The following RBM5 variants were observed in gnomAD, a reference collection of about 807,000 sequenced individuals.
RBM5 encodes RNA-binding protein 5.
RBM5 carries 15 observed loss-of-function variants against 124.6 expected under a neutral mutation model. The observed-to-expected ratio is 0.12, with a 90% CI of 0.08 to 0.19. The LOEUF is 0.19. RBM5 is among the 10% of genes least tolerant of loss of function. The pLI is 1.00. For synonymous variants in RBM5, 337 were observed against 361.2 expected (o/e 0.93, Z 0.76); for missense variants, 580 against 1,026.5 (o/e 0.57, Z 5.94).
chr3:50,098,503 C>T (rs376001909), intron 4 of RBM5, among the ~76,000 whole-genome samples: 6 of 151,906 alleles, frequency 3.9e-5, no homozygotes, highest in East Asian at 2.0e-4. Context: ...AGTGCAGTGG[C>T]GCGATCTCGG....
chr3:50,108,792 G>T (rs73080947), intron 14 of RBM5, among the ~76,000 whole-genome samples: 2 of 152,136 alleles, frequency 1.3e-5, no homozygotes, highest in African/African-American at 4.8e-5. Context: ...GGTTATTTGT[G>T]TACACCAGGA....
chr3:50,092,943 C>CTTTTTTTTTT (rs530934301), intron 3 of RBM5: 2 of 77,774 alleles, frequency 2.6e-5, no homozygotes, highest in African/African-American at 1.5e-4. Context: ...CTTGATATAT[C>CTTTTTTTTTT]TTTTTTTTTT....
chr3:50,107,979 C>G, intron 12 of RBM5, 91 bp from the exon 13 acceptor site: 1 of 1,121,692 alleles, frequency 8.9e-7, no homozygotes, highest in Non-Finnish European at 1.3e-6. Context: ...AGCCACAGCG[C>G]CCAGCATCAT....
intron 4 of RBM5, among the ~76,000 whole-genome samples, chr3:50,096,616 G>C (rs2090820732): frequency 6.6e-6 from 1 of 151,940 alleles, no homozygotes; most frequent in African/African-American, 2.4e-5. Context: ...GTGAGACAGG[G>C]CCTTACTCTG....
chr3:50,106,225 A>G (rs1167044212), intron 10 of RBM5, among the ~76,000 whole-genome samples: 1 of 115,638 alleles, frequency 8.6e-6, no homozygotes, highest in Non-Finnish European at 1.7e-5. Context: ...TGCAAGCTCC[A>G]TCTCCCCAGG....
At chr3:50,101,645 C>CTT (rs1319293156) in intron 6 of RBM5, 1 of 152,216 alleles carries the variant, frequency 6.6e-6, no homozygotes, top group African/African-American at 2.4e-5. Context: ...TGTGAGTCTG[C>CTT]TTTCTTGACA....
At chr3:50,114,427 G>A (rs551755707) in intron 20 of RBM5, 176 bp downstream of exon 20, 1 of 587,874 alleles carries the variant, frequency 1.7e-6, no homozygotes, top group African/African-American at 1.9e-5. Context: ...TTTTCTGTGA[G>A]AGCAGATGAG....
chr3:50,106,118 A>ATTTTTTTTTTTTTTTTT (rs61297967), intron 10 of RBM5, among the ~76,000 whole-genome samples: 1 of 32,756 alleles, frequency 3.1e-5, no homozygotes, highest in African/African-American at 9.5e-5. Flanking sequence ...ACGCCCAGCT[A>ATTTTTTTTTTTTTTTTT]TTTTTTTTTT....
intron 14 of RBM5, among the ~76,000 whole-genome samples, chr3:50,108,763 AG>A (rs2091087519): frequency 6.6e-6 from 1 of 152,188 alleles, no homozygotes; most frequent in African/African-American, 2.4e-5. Flanking sequence ...CATGTACCCA[AG>A]GTTCTGGGGA....
In RBM5 at chr3:50,118,611, A is replaced by G. The variant is rs1208381609; in HGVS notation, c.*155A>G. On this transcript the variant is annotated 3_prime_UTR_variant, in exon 25 of 25. Transcript: ENST00000347869. ...TGCAGGGTTCTCCCTCCCACCTTAA[A>G]GAAGTTCCCCTTATGTGGGTTGCCT... 2 of 1,228,372 alleles carry G rather than the reference A, an allele frequency of 1.6e-6. No homozygotes were observed. Among genetic ancestry groups the G allele is most frequent in the Non-Finnish European group, 1.1e-6 (1 of 898,834 alleles). The allele number at this position is 1,228,372 out of a possible 1,614,324, so 76.1% of individuals were successfully genotyped here.
At chr3:50,110,931 G>A in intron 17 of RBM5, 161 bp downstream of exon 17, 2 of 601,500 alleles carry the variant, frequency 3.3e-6, no homozygotes, top group Non-Finnish European at 5.7e-6. Flanking sequence ...GAGATTGTAA[G>A]TTTTAATTGT....
intron 8 of RBM5, chr3:50,104,797 A>G (rs1168758499): frequency 2.7e-6 from 1 of 374,800 alleles, no homozygotes; most frequent in Non-Finnish European, 4.8e-6. Context: ...GAGCACAGAA[A>G]GTTCTTTTGT....
At chr3:50,099,614 C>T (rs777793919) in intron 4 of RBM5, 3 of 155,986 alleles carry the variant, frequency 1.9e-5, no homozygotes, top group African/African-American at 4.8e-5. Flanking sequence ...AGAAGAATCG[C>T]TTGAATCCAG....
Position 50,118,426 on chromosome 3 carries a change from C to T in RBM5, c.2418C>T (p.Ala806=). The part of the protein sequence containing the change: ...ADSYKDAVRK[A]MFARFTEME ...CCTACAAAGATGCTGTCCGGAAAGC[C>T]ATGTTTGCCCGGTTCACTGAGATGG... is the stretch of plus-strand genomic sequence containing the variant. The change falls in exon 25 of 25, where the codon GCC becomes GCT. Residue 806 remains alanine, a synonymous_variant. Coordinates refer to ENST00000347869, the MANE Select transcript of RBM5 (RefSeq NM_005778.4). 3 of 1,613,920 alleles carry T rather than the reference C, an allele frequency of 1.9e-6. No individual in the cohort carries two copies. Among genetic ancestry groups the T allele is most frequent in the Non-Finnish European group, 1.7e-6 (2 of 1,179,998 alleles).
chr3:50,111,948 A>T (rs1457822260), intron 17 of RBM5: 2 of 151,992 alleles, frequency 1.3e-5, no homozygotes, highest in African/African-American at 4.8e-5. Context: ...GGTTTCTGAG[A>T]GATTGAAGTG....
chr3:50,099,821 C>A, intron 4 of RBM5, 161 bp from the exon 5 acceptor site: 1 of 549,232 alleles, frequency 1.8e-6, no homozygotes, highest in Non-Finnish European at 3.1e-6. Flanking sequence ...GAGATCATGC[C>A]ACTGCACTCC....
intron 3 of RBM5, among the ~76,000 whole-genome samples, chr3:50,092,424 G>A (rs2108984872): frequency 6.6e-6 from 1 of 152,116 alleles, no homozygotes; most frequent in South Asian, 2.1e-4. Context: ...AGCTGAGTGG[G>A]GTGGTGGGCG....
At chr3:50,106,885 T>C (rs1447050784) in intron 11 of RBM5, 21 bp downstream of exon 11, 1 of 1,526,554 alleles carries the variant, frequency 6.6e-7, no homozygotes, top group Non-Finnish European at 9.1e-7. Flanking sequence ...TCATTGTCCT[T>C]ATTTCAAACT....
Position 50,117,963 on chromosome 3 carries a change from C to A in RBM5, c.2323-368C>A, listed in dbSNP as rs2091288449. The A allele has an allele frequency of 2.0e-5, 5 of 247,342 alleles. No individual in the cohort carries two copies. The highest frequency in any genetic ancestry group is 3.2e-5 in the Non-Finnish European group (4 of 125,672). The allele number at this position is 247,342 out of a possible 1,614,324, so 15.3% of individuals were successfully genotyped here. A position where few individuals can be genotyped will look rare whatever the true frequency, so the allele number is the denominator to read the frequency against. ...ACAGCTTAGGTCAGACTCTTGTAGA[C>A]CATGTTCATCCTGTTTATGTGAGTT... is the stretch of plus-strand genomic sequence containing the variant. On this transcript the variant is annotated intron_variant, in intron 24 of 24. Transcript: ENST00000347869. This position sits in a 1 kb window ranked among gnomAD's most constrained non-coding sequence, Gnocchi z 4.2.
Sources: allele counts gnomAD v4.1 joint callset (sites outside exome capture counted in the v4.1 genomes callset), GRCh38; gene constraint gnomAD v4.1.1; non-coding constraint Gnocchi (gnomAD v3.1); transcripts MANE v1.5; gene names NCBI Gene and HGNC (gene_info 2026-07-23, HGNC 2026-07-21).